Variants in PPP1R9A observed in about 807,000 individuals in gnomAD.
PPP1R9A encodes the protein protein phosphatase 1 regulatory subunit 9A, also known as neurabin-1.
Under a neutral mutation model 141.9 loss-of-function variants are expected in PPP1R9A, and 59 were observed. The observed-to-expected ratio is 0.42, with a 90% CI of 0.34 to 0.52. PPP1R9A has a LOEUF of 0.52. Ranked by LOEUF, PPP1R9A falls within the 20% of genes least tolerant of loss-of-function variation. The pLI is 0.10. For missense variants in PPP1R9A, 1,444 were observed against 1,611.9 expected, an observed-to-expected ratio of 0.90 and a Z score of 1.78; for synonymous variants, 500 against 569.7, an observed-to-expected ratio of 0.88 and a Z score of 1.74.
rs1200354555 is a variant in PPP1R9A at position 94,940,345 on chromosome 7, C to T, written c.1395+28837C>T. 2.0e-5 allele frequency among the ~76,000 whole-genome samples: 3 copies of T among 151,478 alleles called. No individual in the cohort carries two copies. In the East Asian group the frequency reaches 5.8e-4, roughly 29 times the overall value. ...AAGTATAATGTAGGGTGTCCTTTTT[C>T]TTTTTCTTTTAATTTTTTTTTAAGT... On this transcript the variant is annotated intron_variant, in intron 2 of 19. Transcript: ENST00000433360.
chr7:95,175,750 T>C (rs1043459368), intron 5 of PPP1R9A, among the ~76,000 whole-genome samples: 1 of 152,122 alleles, frequency 6.6e-6, no homozygotes, highest in Non-Finnish European at 1.5e-5. Flanking sequence ...CTACCCATGA[T>C]CAATAACTAT....
rs189088055 is a variant in PPP1R9A, at chr7:95,237,385, G to A, written c.2113-10088G>A. 4.5e-4 allele frequency among the ~76,000 whole-genome samples: 68 copies of A among 151,734 alleles called. 1 individual carries two copies. The East Asian group carries it at 0.012, about 26-fold the overall frequency. The stretch of plus-strand genomic sequence containing the variant: ...TAATTTTTGTATTTTTAGTAGAGAC[G>A]TGGTTTCGCCATGTTGGCCAGGCTG... On this transcript the variant is annotated intron_variant, in intron 8 of 19. Coordinates refer to ENST00000433360, the MANE Select transcript of PPP1R9A (RefSeq NM_001166160.2).
At chr7:95,266,095 T>C (rs1305760811) in intron 12 of PPP1R9A, among the ~76,000 whole-genome samples, 1 of 152,162 alleles carries the variant, frequency 6.6e-6, no homozygotes, top group African/African-American at 2.4e-5. Context: ...CTCTCACTTA[T>C]ATTTGTTCAG....
chr7:95,273,771 G>A, intron 14 of PPP1R9A, 128 bp from the exon 15 acceptor site: 1 of 883,062 alleles, frequency 1.1e-6, no homozygotes, highest in Non-Finnish European at 1.7e-6. Context: ...CGTATAAGAA[G>A]GCATTGATTA....
chr7:95,118,489 G>A (rs1319953752), intron 3 of PPP1R9A, among the ~76,000 whole-genome samples: 1 of 152,110 alleles, frequency 6.6e-6, no homozygotes, highest in African/African-American at 2.4e-5. Flanking sequence ...AGCTCATCCA[G>A]GGGAAACACT....
chr7:95,273,862 T>G, intron 14 of PPP1R9A, 37 bp from the exon 15 acceptor site: 2 of 1,432,726 alleles, frequency 1.4e-6, no homozygotes, highest in Non-Finnish European at 1.9e-6. Flanking sequence ...TTAAAAATAA[T>G]AATAATTGAT....
intron 3 of PPP1R9A, among the ~76,000 whole-genome samples, chr7:95,112,992 T>G (rs1387033431): frequency 1.3e-5 from 2 of 152,012 alleles, no homozygotes; most frequent in Non-Finnish European, 2.9e-5. Context: ...ACTATTCAGG[T>G]AAAGGTTACA....
chr7:95,263,007 C>G (rs1334269931), intron 12 of PPP1R9A, among the ~76,000 whole-genome samples: 1 of 152,094 alleles, frequency 6.6e-6, no homozygotes, highest in Non-Finnish European at 1.5e-5. Flanking sequence ...GCCAAATTAT[C>G]TGGCAGTTAG....
chr7:95,211,753 G>A (rs1218096975), intron 7 of PPP1R9A, among the ~76,000 whole-genome samples: 3 of 152,158 alleles, frequency 2.0e-5, no homozygotes, highest in Admixed American at 6.5e-5. Flanking sequence ...TTGGGAGGTT[G>A]AGGTGGGAGA....
In PPP1R9A at chr7:95,208,005, G is replaced by C. The variant is rs532859958; in HGVS notation, c.1956+4275G>C. Among the ~76,000 whole-genome samples, 17 of 152,234 alleles carry C rather than the reference G, an allele frequency of 1.1e-4. No individual in the cohort carries two copies. The East Asian group carries it at 3.1e-3, about 28-fold the overall frequency. ...GGAAGATTCAGTAACTGTTGATTTG[G>C]TGCAATTCTAGTAAAAATAATTTCA... On this transcript the variant is annotated intron_variant, in intron 7 of 19. Transcript: ENST00000433360.
intron 2 of PPP1R9A, among the ~76,000 whole-genome samples, chr7:94,964,854 T>C (rs1798029368): frequency 6.6e-6 from 1 of 152,224 alleles, no homozygotes; most frequent in Non-Finnish European, 1.5e-5. Context: ...ATGGGATTGC[T>C]GAGTCAAATG....
chr7:95,258,446 A>T (rs1355712843), intron 12 of PPP1R9A, among the ~76,000 whole-genome samples: 1 of 152,040 alleles, frequency 6.6e-6, no homozygotes, highest in African/African-American at 2.4e-5. Context: ...GATTGCAAAA[A>T]TTTTCTTCCA....
intron 16 of PPP1R9A, among the ~76,000 whole-genome samples, chr7:95,280,352 T>C (rs1016172143): frequency 4.6e-5 from 7 of 152,210 alleles, no homozygotes; most frequent in Non-Finnish European, 1.0e-4. Flanking sequence ...TAATGATATT[T>C]TGATGACATC....
intron 2 of PPP1R9A, among the ~76,000 whole-genome samples, chr7:94,997,276 A>AGTCTCTT (rs1802313269): frequency 1.3e-5 from 2 of 151,962 alleles, no homozygotes; most frequent in East Asian, 3.9e-4. Flanking sequence ...GGTCTGTTCT[A>AGTCTCTT]GTCTCTTTTT....
At chr7:95,244,834 C>G (rs947235314) in intron 8 of PPP1R9A, among the ~76,000 whole-genome samples, 1 of 152,118 alleles carries the variant, frequency 6.6e-6, no homozygotes, top group Non-Finnish European at 1.5e-5. Flanking sequence ...TATATGCTAG[C>G]CACTGTGCTA....
chr7:95,274,209 A>C (rs1298606702), intron 16 of PPP1R9A, 41 bp downstream of exon 16: 2 of 1,458,138 alleles, frequency 1.4e-6, no homozygotes, highest in Admixed American at 4.2e-5. Flanking sequence ...TTCTATACCT[A>C]AACTTTCTGG....
chr7:94,989,447 A>C (rs1022264747), intron 2 of PPP1R9A, among the ~76,000 whole-genome samples: 4 of 152,128 alleles, frequency 2.6e-5, no homozygotes, highest in African/African-American at 9.7e-5. Context: ...ATTTTCTTGC[A>C]TGTCTCCAGA....
intron 8 of PPP1R9A, among the ~76,000 whole-genome samples, chr7:95,227,617 A>T (rs1795323684): frequency 6.6e-6 from 1 of 152,154 alleles, no homozygotes; most frequent in African/African-American, 2.4e-5. Context: ...ACAACAGCAA[A>T]GTTGAGTAGT....
chr7:95,128,725 T>C (rs1824026324), intron 4 of PPP1R9A, among the ~76,000 whole-genome samples: 1 of 152,072 alleles, frequency 6.6e-6, no homozygotes, highest in African/African-American at 2.4e-5. Flanking sequence ...TACAGGCACG[T>C]GCCACCACGC....
Sources: allele counts gnomAD v4.1 joint callset (sites outside exome capture counted in the v4.1 genomes callset), GRCh38; gene constraint gnomAD v4.1.1; transcripts MANE v1.5; gene names NCBI Gene and HGNC (gene_info 2026-07-23, HGNC 2026-07-21).